The following LUZP2 variants were observed in gnomAD, a reference collection of about 807,000 sequenced individuals.
LUZP2 encodes the protein leucine zipper protein 2.
In LUZP2, 52 loss-of-function variants were observed where a neutral mutation model predicts 51.6. That is an observed-to-expected ratio of 1.01 (90% CI 0.81 to 1.27). The LOEUF (loss-of-function observed/expected upper bound fraction) is 1.27. Ranked by LOEUF, LUZP2 falls within the 50% of genes most tolerant of loss-of-function variation. LUZP2 has a pLI of 0.00. For synonymous variants in LUZP2, 154 were observed against 137.3 expected (o/e 1.12, Z -0.85); for missense variants, 436 against 395.4 (o/e 1.10, Z -0.87).
intron 1 of LUZP2, among the ~76,000 whole-genome samples, chr11:24,499,861 C>G (rs1196315697): frequency 6.6e-6 from 1 of 152,054 alleles, no homozygotes; most frequent in Non-Finnish European, 1.5e-5. Flanking sequence ...AAGTTCAGTT[C>G]TATTTTAAAG....
chr11:25,082,236 A>G lies in LUZP2; in HGVS notation c.*3578A>G, dbSNP rs1215596887. 6.6e-6 allele frequency: 1 copy of G among 152,634 alleles called. No individual in the cohort carries two copies. The highest frequency in any genetic ancestry group is 1.5e-5 in the Non-Finnish European group (1 of 68,022). The allele number at this position is 152,634 out of a possible 1,614,324, so 9.5% of individuals were successfully genotyped here. On this transcript the variant is annotated 3_prime_UTR_variant, in exon 12 of 12. Transcript: ENST00000336930. ...TTCAGATACAGATCTGTTTCATCAA[A>G]TATCCTCAATTACAAGTCTAAGACA...
At chr11:24,551,670 TC>T (rs1343795113) in intron 1 of LUZP2, among the ~76,000 whole-genome samples, 5 of 151,930 alleles carry the variant, frequency 3.3e-5, no homozygotes, top group Non-Finnish European at 7.4e-5. Flanking sequence ...TTTGACACAG[TC>T]ATAGTAATTC....
chr11:24,781,921 G>A (rs1849107123), intron 5 of LUZP2, among the ~76,000 whole-genome samples: 2 of 152,036 alleles, frequency 1.3e-5, no homozygotes, highest in African/African-American at 4.8e-5. Flanking sequence ...GATGGGGCCT[G>A]AGAGTCTAAC....
intron 10 of LUZP2, among the ~76,000 whole-genome samples, chr11:25,076,641 A>AGAGGGAAGGAAGGGAGG (rs1213841232): frequency 7.4e-5 from 10 of 134,620 alleles, no homozygotes; most frequent in South Asian, 2.8e-4. Context: ...GAAGGGAAAA[A>AGAGGGAAGGAAGGGAGG]GAGGGAAGGA....
At chr11:24,517,477 C>T (rs548479409) in intron 1 of LUZP2, among the ~76,000 whole-genome samples, 10 of 46,040 alleles carry the variant, frequency 2.2e-4, no homozygotes, top group East Asian at 7.6e-4. Context: ...CAGAGCCAGA[C>T]GCCGTCAAAA....
intron 1 of LUZP2, among the ~76,000 whole-genome samples, chr11:24,674,454 G>A (rs1040811716): frequency 6.6e-6 from 1 of 152,042 alleles, no homozygotes; most frequent in African/African-American, 2.4e-5. Context: ...GGAATCACCA[G>A]GAGAATAACA....
chr11:24,515,364 C>A (rs1850432407), intron 1 of LUZP2, among the ~76,000 whole-genome samples: 2 of 151,944 alleles, frequency 1.3e-5, no homozygotes, highest in South Asian at 2.1e-4. Flanking sequence ...TTACAACCAG[C>A]AAGAGGGATA....
intron 9 of LUZP2, among the ~76,000 whole-genome samples, chr11:25,048,864 G>GC (rs1858400671): frequency 6.6e-6 from 1 of 151,532 alleles, no homozygotes; most frequent in African/African-American, 2.4e-5. Flanking sequence ...TATACCCAGA[G>GC]CCCAGCATTT....
intron 1 of LUZP2, among the ~76,000 whole-genome samples, chr11:24,565,630 G>T (rs1754826550): frequency 2.6e-5 from 4 of 152,254 alleles, no homozygotes; most frequent in African/African-American, 9.6e-5. Flanking sequence ...AGGTTTCACT[G>T]GTTGTCACCT....
At chr11:24,810,716 G>A (rs938194782) in intron 5 of LUZP2, among the ~76,000 whole-genome samples, 1 of 152,136 alleles carries the variant, frequency 6.6e-6, no homozygotes, top group African/African-American at 2.4e-5. Flanking sequence ...CAAGAACAGA[G>A]TTATAATTTT....
At chr11:24,894,696 C>CAT (rs71447403) in intron 5 of LUZP2, among the ~76,000 whole-genome samples, 82,181 of 151,208 alleles carry the variant, frequency 0.54, 22,521 homozygotes, top group East Asian at 0.73. Flanking sequence ...TACACGACAA[C>CAT]GTGTCATTTG....
chr11:24,681,766 C>G (rs1020594000), intron 1 of LUZP2, among the ~76,000 whole-genome samples: 11 of 152,114 alleles, frequency 7.2e-5, no homozygotes, highest in Admixed American at 1.3e-4. Context: ...TCACTTTTCT[C>G]TCTTCAAAAT....
chr11:24,948,752 C>A (rs6484086), intron 7 of LUZP2, among the ~76,000 whole-genome samples: 70,094 of 151,234 alleles, frequency 0.46, 16,549 homozygotes, highest in East Asian at 0.74. Context: ...AGAAGTATTT[C>A]TTCCACATTG....
At chr11:24,628,457 G>A (rs559398658) in intron 1 of LUZP2, among the ~76,000 whole-genome samples, 52 of 152,214 alleles carry the variant, frequency 3.4e-4, no homozygotes, top group African/African-American at 1.2e-3. Flanking sequence ...TCCTTAAGAT[G>A]CTTTTTTTCT....
intron 1 of LUZP2, among the ~76,000 whole-genome samples, chr11:24,698,561 A>G (rs1051952626): frequency 6.6e-6 from 1 of 152,220 alleles, no homozygotes; most frequent in Non-Finnish European, 1.5e-5. Flanking sequence ...CTTGTCTGCA[A>G]TGATTTTGGC....
chr11:24,726,813 G>A (rs1022125361), intron 1 of LUZP2, among the ~76,000 whole-genome samples: 1 of 152,032 alleles, frequency 6.6e-6, no homozygotes, highest in South Asian at 2.1e-4. Flanking sequence ...TTTCATGTAA[G>A]CAAGAGAAAA....
intron 1 of LUZP2, among the ~76,000 whole-genome samples, chr11:24,568,489 C>A (rs1852322368): frequency 6.6e-6 from 1 of 150,856 alleles, no homozygotes; most frequent in African/African-American, 2.4e-5. Context: ...GCAGATATAA[C>A]AATGAAAAAC....
intron 6 of LUZP2, 83 bp from the exon 7 acceptor site, chr11:24,914,393 C>G (rs1327678121): frequency 9.8e-7 from 1 of 1,015,518 alleles, no homozygotes; most frequent in African/African-American, 1.6e-5. Flanking sequence ...AAAATGTATT[C>G]CTGTGAAGTC....
At chr11:24,667,514 G>A (rs1384445655) in intron 1 of LUZP2, among the ~76,000 whole-genome samples, 1 of 152,018 alleles carries the variant, frequency 6.6e-6, no homozygotes, top group Admixed American at 6.6e-5. Flanking sequence ...ATTTAAATAT[G>A]CAATTTAAAT....
Sources: allele counts gnomAD v4.1 joint callset (sites outside exome capture counted in the v4.1 genomes callset), GRCh38; gene constraint gnomAD v4.1.1; transcripts MANE v1.5; gene names NCBI Gene and HGNC (gene_info 2026-07-23, HGNC 2026-07-21).